Variants in SLC22A23 observed in about 807,000 individuals in gnomAD.
SLC22A23 encodes the protein solute carrier family 22 member 23.
In SLC22A23, 26 loss-of-function variants were observed where a neutral mutation model predicts 61.0. That is an observed-to-expected ratio of 0.43 (90% CI 0.31 to 0.59). The LOEUF is 0.59. Among genes scored for constraint, SLC22A23 ranks in the 20% least tolerant of loss-of-function variants. The pLI, the probability that SLC22A23 is intolerant of heterozygous loss-of-function variation, is 0.11. For synonymous variants in SLC22A23, 430 were observed against 413.9 expected (o/e 1.04, Z -0.47); for missense variants, 796 against 934.7 (o/e 0.85, Z 1.94).
intron 1 of SLC22A23, among the ~76,000 whole-genome samples, chr6:3,422,945 C>G (rs139684085): frequency 6.6e-6 from 1 of 152,152 alleles, no homozygotes; most frequent in Non-Finnish European, 1.5e-5. Flanking sequence ...AGAGCCACAC[C>G]GTTAAAGCTG....
At position 3,288,388 on chromosome 6, in the gene SLC22A23, C is replaced by A. The variant is rs546594193; in HGVS notation, c.1314-1297G>T. Among the ~76,000 whole-genome samples the A allele has an allele frequency of 2.0e-5, 3 of 152,354 alleles. No homozygotes were observed. The South Asian group carries it at 6.2e-4, about 32-fold the overall frequency. On this transcript the variant is annotated intron_variant, in intron 6 of 9. Coordinates refer to ENST00000406686, the MANE Select transcript of SLC22A23 (RefSeq NM_015482.2). ...GTCCCTGCCCCATAGGGGGAAGCCA[C>A]CCCTTGCCAGGTGAATGCCTTTCCT...
chr6:3,273,120 C>T lies in SLC22A23; in HGVS notation c.1996G>A (p.Asp666Asn), dbSNP rs201396552. Residue 666 changes from aspartate (D) to asparagine (N), a missense_variant, in exon 10 of 10, where the codon GAT becomes AAT. Coordinates refer to ENST00000406686, the MANE Select transcript of SLC22A23 (RefSeq NM_015482.2). Reference protein sequence around the residue: ...AELKDYSGLHDAAAAGDTLPE... With the variant: ...AELKDYSGLHNAAAAGDTLPE... The stretch of plus-strand genomic sequence containing the variant: ...AGTGTGTCACCCGCGGCTGCGGCAT[C>T]GTGGAGGCCCGAGTAGTCCTTGAGC... The T allele has an allele frequency of 6.2e-6, 10 of 1,604,490 alleles. No homozygotes were observed. The highest frequency in any genetic ancestry group is 1.7e-4 in the Middle Eastern group (1 of 6,058).
intron 8 of SLC22A23, among the ~76,000 whole-genome samples, chr6:3,284,694 G>A (rs1045940626): frequency 1.3e-5 from 2 of 152,190 alleles, no homozygotes; most frequent in African/African-American, 2.4e-5. Context: ...AGTCAAAGGG[G>A]GACAGCGGCT....
At chr6:3,392,276 C>G (rs951546294) in intron 3 of SLC22A23, among the ~76,000 whole-genome samples, 15 of 152,208 alleles carry the variant, frequency 9.9e-5, no homozygotes, top group African/African-American at 2.4e-4. Flanking sequence ...TGGATTAGGA[C>G]AGCAGAAGGG....
chr6:3,436,561 G>A (rs1229423734), intron 1 of SLC22A23, among the ~76,000 whole-genome samples: 5 of 152,182 alleles, frequency 3.3e-5, no homozygotes, highest in African/African-American at 1.2e-4. Context: ...ACTGAAATAA[G>A]TGTCTTCTCC....
intron 3 of SLC22A23, among the ~76,000 whole-genome samples, chr6:3,350,011 T>C (rs1332164590): frequency 6.6e-6 from 1 of 152,198 alleles, no homozygotes; most frequent in African/African-American, 2.4e-5. Context: ...TTTGTGTCCT[T>C]TGAAGCACAT....
intron 3 of SLC22A23, among the ~76,000 whole-genome samples, chr6:3,358,507 G>C (rs1026688032): frequency 6.6e-6 from 1 of 150,878 alleles, no homozygotes; most frequent in Non-Finnish European, 1.5e-5. Context: ...ACTTACATGA[G>C]GCATGTAAAA....
chr6:3,447,745 C>T (rs1388946671), intron 1 of SLC22A23, among the ~76,000 whole-genome samples: 2 of 150,920 alleles, frequency 1.3e-5, no homozygotes, highest in East Asian at 2.0e-4. Flanking sequence ...CCCGCCACCA[C>T]ACCTGGATAA....
chr6:3,307,859 C>T (rs1762095413), intron 4 of SLC22A23, among the ~76,000 whole-genome samples: 2 of 152,196 alleles, frequency 1.3e-5, no homozygotes. Flanking sequence ...GAATGGATAA[C>T]AAAATGTGGT....
At chr6:3,433,469 A>G (rs1414538499) in intron 1 of SLC22A23, among the ~76,000 whole-genome samples, 1 of 134,796 alleles carries the variant, frequency 7.4e-6, no homozygotes, top group Non-Finnish European at 1.7e-5. Flanking sequence ...AAAAATTTTG[A>G]AAAGAAAAAG....
chr6:3,314,176 T>G (rs186688779), intron 4 of SLC22A23, among the ~76,000 whole-genome samples: 32 of 152,386 alleles, frequency 2.1e-4, no homozygotes, highest in African/African-American at 7.7e-4. Flanking sequence ...TTTGTCAATG[T>G]TAAACAATGT....
chr6:3,307,396 G>C (rs1300261214), intron 4 of SLC22A23, among the ~76,000 whole-genome samples: 1 of 152,160 alleles, frequency 6.6e-6, no homozygotes, highest in African/African-American at 2.4e-5. Context: ...TGGTTAGAAG[G>C]TCCACAATCT....
Position 3,455,920 on chromosome 6 carries a change from T to G in SLC22A23, c.640A>C (p.Asn214His). 6.6e-7 allele frequency: 1 copy of G among 1,509,142 alleles called. No individual in the cohort carries two copies. 93.5% of individuals were successfully genotyped at this position (1,509,142 alleles called of 1,614,324 possible). The change falls in exon 1 of 10, where the codon AAC becomes CAC. Residue 214 changes from asparagine (N) to histidine (H), a missense_variant. By Grantham distance (68) the Asn-to-His change is moderately conservative. Coordinates refer to ENST00000406686, the MANE Select transcript of SLC22A23 (RefSeq NM_015482.2). The part of the protein sequence containing the change: ...DYGIRAGLVQ[N>H]VVSKWDLVCD... ...GCGGCCCTTACCTTGCTGACCACGT[T>G]CTGGACGAGGCCGGCGCGGATGCCG...
intron 3 of SLC22A23, among the ~76,000 whole-genome samples, chr6:3,344,205 T>A (rs183010300): frequency 9.8e-5 from 15 of 152,336 alleles, no homozygotes; most frequent in Non-Finnish European, 1.8e-4. Flanking sequence ...ACAGCACTGA[T>A]CTAGAATCTG....
At chr6:3,447,263 CCTCT>C (rs1409115246) in intron 1 of SLC22A23, among the ~76,000 whole-genome samples, 3 of 152,256 alleles carry the variant, frequency 2.0e-5, no homozygotes, top group South Asian at 2.1e-4. Context: ...TCCTCTTTTG[CCTCT>C]CTCTCTACCT....
chr6:3,400,887 G>A (rs980500185), intron 3 of SLC22A23, among the ~76,000 whole-genome samples: 2 of 152,194 alleles, frequency 1.3e-5, no homozygotes, highest in African/African-American at 4.8e-5. Context: ...ATTGAGTCAC[G>A]GGAATATCAT....
intron 9 of SLC22A23, among the ~76,000 whole-genome samples, chr6:3,275,217 A>C (rs1758783910): frequency 1.3e-5 from 2 of 152,224 alleles, no homozygotes; most frequent in Non-Finnish European, 2.9e-5. Flanking sequence ...GTGAGGGGGA[A>C]GGGATAGTTT....
intron 1 of SLC22A23, among the ~76,000 whole-genome samples, chr6:3,451,649 C>A (rs975909503): frequency 6.6e-6 from 1 of 152,210 alleles, no homozygotes; most frequent in African/African-American, 2.4e-5. Context: ...AGCAAGCCAA[C>A]TGAGCTGAGC....
intron 1 of SLC22A23, among the ~76,000 whole-genome samples, chr6:3,447,514 CAT>C (rs1227476225): frequency 1.3e-5 from 2 of 151,732 alleles, no homozygotes; most frequent in African/African-American, 4.8e-5. Flanking sequence ...ATCCCCAACA[CAT>C]AGCACAATGC....
Sources: gnomAD v4.1 joint callset for allele counts (sites outside exome capture counted in the v4.1 genomes callset) on GRCh38, gnomAD v4.1.1 for gene constraint, MANE v1.5 for transcripts, NCBI Gene and HGNC (gene_info 2026-07-23, HGNC 2026-07-21) for gene names.